The following EDNRB variants were observed in gnomAD, a reference collection of about 807,000 sequenced individuals.
The protein encoded by EDNRB is endothelin receptor type B.
In EDNRB, 18 loss-of-function variants were observed where a neutral mutation model predicts 46.4. That is an observed-to-expected ratio of 0.39 (90% CI 0.27 to 0.57). The LOEUF is 0.57. Ranked by LOEUF, EDNRB falls within the 20% of genes least tolerant of loss-of-function variation. The pLI, the probability that EDNRB is intolerant of heterozygous loss-of-function variation, is 0.61. For missense variants in EDNRB, 434 were observed against 537.5 expected (o/e 0.81, Z 1.90); for synonymous variants, 213 against 204.9 (o/e 1.04, Z -0.34).
In EDNRB at chr13:77,918,049, C is replaced by G; in HGVS notation, c.483+42G>C. ...TCATCTCCCCGTCTCCAACCAGGCC[C>G]CCTTCCTCAAGCCCACCATGATTTC... is the stretch of plus-strand genomic sequence containing the variant. On this transcript the variant is annotated intron_variant, in intron 1 of 6. Coordinates refer to ENST00000646607, the MANE Select transcript of EDNRB (RefSeq NM_001122659.3). This position sits in a 1 kb window ranked among gnomAD's most constrained non-coding sequence, Gnocchi z 4.5. 3 of 1,613,250 alleles carry G rather than the reference C, an allele frequency of 1.9e-6. No individual in the cohort carries two copies. The highest frequency in any genetic ancestry group is 1.7e-6 in the Non-Finnish European group (2 of 1,180,014).
chr13:77,974,696 C>G (rs1421536761), intron 1 of EDNRB, among the ~76,000 whole-genome samples: 1 of 152,002 alleles, frequency 6.6e-6, no homozygotes. Context: ...CTAAAACCAG[C>G]AGTAACCAAG....
intron 1 of EDNRB, among the ~76,000 whole-genome samples, chr13:77,952,685 T>C (rs1285108035): frequency 6.6e-6 from 1 of 152,186 alleles, no homozygotes; most frequent in Admixed American, 6.5e-5. Context: ...AGACCCTCTA[T>C]TAGATAATGT....
intron 1 of EDNRB, among the ~76,000 whole-genome samples, chr13:77,947,280 C>T (rs1176236618): frequency 2.0e-5 from 3 of 150,956 alleles, no homozygotes; most frequent in African/African-American, 7.3e-5. Flanking sequence ...ATTGGATGAC[C>T]ACCTCAACAT....
At position 77,898,376 on chromosome 13, in the gene EDNRB, A is replaced by T. The variant is rs569227237; in HGVS notation, c.1195-42T>A. On this transcript the variant is annotated intron_variant, in intron 6 of 6. Coordinates refer to ENST00000646607, the MANE Select transcript of EDNRB (RefSeq NM_001122659.3). ...AACTCATTATATGTTAACATCAGTCACCTTTCCCAACTCTTCCTCCTCTCC... is the reference window on the plus strand; with the variant it reads ...AACTCATTATATGTTAACATCAGTCTCCTTTCCCAACTCTTCCTCCTCTCC... 8 of 1,608,694 alleles carry T rather than the reference A, an allele frequency of 5.0e-6. No individual in the cohort carries two copies. In the East Asian group the frequency reaches 1.8e-4, roughly 36 times the overall value.
chr13:77,954,650 G>T (rs1313415680), intron 1 of EDNRB, among the ~76,000 whole-genome samples: 1 of 151,936 alleles, frequency 6.6e-6, no homozygotes, highest in African/African-American at 2.4e-5. Flanking sequence ...GGGACTACAT[G>T]CATGTGCCAC....
intron 1 of EDNRB, among the ~76,000 whole-genome samples, chr13:77,938,987 C>T (rs574946181): frequency 1.6e-4 from 25 of 152,272 alleles, no homozygotes; most frequent in Admixed American, 5.2e-4. Context: ...ATTTCATGCA[C>T]GTCAGTGTGA....
In EDNRB at chr13:77,898,186, G is replaced by GAAT; in HGVS notation, c.*11_*13dup. ...CAATATAAAGAAAATGAAATACAGT[G>GAAT]AATAGTTCTTCTTTCAAGATGAGCT... On this transcript the variant is annotated 3_prime_UTR_variant, in exon 7 of 7. Transcript: ENST00000646607. 6.2e-7 allele frequency: 1 copy of GAAT among 1,610,312 alleles called. No individual in the cohort carries two copies. Among genetic ancestry groups the GAAT allele is most frequent in the East Asian group, 2.2e-5 (1 of 44,674 alleles).
At chr13:77,963,223 C>A (rs888684360) in intron 1 of EDNRB, among the ~76,000 whole-genome samples, 5 of 152,156 alleles carry the variant, frequency 3.3e-5, no homozygotes, top group African/African-American at 7.2e-5. Context: ...CAATGCCATC[C>A]CCATCAACCT....
chr13:77,967,070 C>A (rs1393559101), intron 1 of EDNRB, among the ~76,000 whole-genome samples: 4 of 152,142 alleles, frequency 2.6e-5, no homozygotes, highest in Non-Finnish European at 5.9e-5. Flanking sequence ...GGAAATCAAT[C>A]ATCATGACAT....
chr13:77,974,201 C>A (rs550341350), intron 1 of EDNRB, among the ~76,000 whole-genome samples: 10 of 152,004 alleles, frequency 6.6e-5, no homozygotes, highest in Middle Eastern at 3.4e-3. Flanking sequence ...TAGCCCCTTG[C>A]TTTAATATTT....
In EDNRB at chr13:77,918,566, G is replaced by T; in HGVS notation, c.8C>A (p.Pro3Gln). The change falls in exon 1 of 7, where the codon CCG becomes CAG. Residue 3 changes from proline (P) to glutamine (Q), a missense_variant. By Grantham distance (76) the Pro-to-Gln change is moderately conservative (BLOSUM62 -1). Transcript: ENST00000646607. The surrounding 1 kb of genome is among the most constrained non-coding windows in gnomAD (Gnocchi z 4.5). MQ[P>Q]PPSLCGRALV... ...GGCGCGTCCGCACAGACTTGGAGGC[G>T]GCTGCATGCTGCTACCTGCTCCAGA... The T allele has an allele frequency of 6.3e-7, 1 of 1,596,350 alleles. No individual in the cohort carries two copies.
chr13:77,934,157 A>G (rs1390219856), intron 1 of EDNRB, among the ~76,000 whole-genome samples: 2 of 152,200 alleles, frequency 1.3e-5, no homozygotes, highest in East Asian at 3.9e-4. Flanking sequence ...GTAGTTGAGA[A>G]CGGTCAATAG....
At position 77,899,945 on chromosome 13, in the gene EDNRB, T is replaced by C; in HGVS notation, c.1108A>G (p.Ile370Val). ...TTCAGTGAAGCCATGTTGATACCAA[T>C]ATAGTCCAATACCAACAGAAAGCTG... ...LLSFLLVLDY[I>V]GINMASLNSC... Residue 370 changes from isoleucine to valine, a missense_variant, in exon 6 of 7, where the codon ATT (isoleucine) becomes GTT (valine). Ile to Val is a conservative substitution (Grantham distance 29, BLOSUM62 3). Coordinates refer to ENST00000646607, the MANE Select transcript of EDNRB (RefSeq NM_001122659.3). The C allele has an allele frequency of 6.2e-7, 1 of 1,611,740 alleles. No homozygotes were observed. Among genetic ancestry groups the C allele is most frequent in the Non-Finnish European group, 8.5e-7 (1 of 1,178,632 alleles).
rs1225236157 is a variant in EDNRB, at chr13:77,896,315, A to C, written c.*1885T>G. 1 of 913,254 alleles carries C rather than the reference A, an allele frequency of 1.1e-6. No individual in the cohort carries two copies. The highest frequency in any genetic ancestry group is 1.8e-5 in the African/African-American group (1 of 56,524). The allele number at this position is 913,254 out of a possible 1,614,324, so 56.6% of individuals were successfully genotyped here. A position where few individuals can be genotyped will look rare whatever the true frequency, so the allele number is the denominator to read the frequency against. The stretch of plus-strand genomic sequence containing the variant: ...TAAACTGTGAAAATATTAGTGATTC[A>C]AAATTAATTTAAAATTGAGAGTCTA... On this transcript the variant is annotated 3_prime_UTR_variant, in exon 7 of 7. Transcript: ENST00000646607.
chr13:77,975,346 C>T lies in EDNRB; in HGVS notation c.-52+1G>A, dbSNP rs1413692262. The T allele has an allele frequency of 6.6e-6, 1 of 152,338 alleles. No individual in the cohort carries two copies. Among genetic ancestry groups the T allele is most frequent in the Non-Finnish European group, 1.5e-5 (1 of 68,140 alleles). 9.4% of individuals were successfully genotyped at this position (152,338 alleles called of 1,614,324 possible). A position where few individuals can be genotyped will look rare whatever the true frequency, so the allele number is the denominator to read the frequency against. ...GGGCAAGTTCCAAAGACTAGTCTTA[C>T]CAAGTTTCAGATGTCCAGACTCCAA... On this transcript the variant is annotated splice_donor_variant, in intron 1 of 7. Coordinates refer to the EDNRB transcript ENST00000646948. LOFTEE classifies it low-confidence loss of function (5UTR_SPLICE).
intron 1 of EDNRB, among the ~76,000 whole-genome samples, chr13:77,942,694 A>C (rs1032145520): frequency 3.3e-5 from 5 of 152,162 alleles, no homozygotes; most frequent in Non-Finnish European, 7.4e-5. Context: ...ACATCTAGAT[A>C]AAACTACATA....
intron 1 of EDNRB, among the ~76,000 whole-genome samples, chr13:77,931,076 G>A (rs1197644171): frequency 1.3e-5 from 2 of 152,164 alleles, no homozygotes; most frequent in Non-Finnish European, 2.9e-5. Context: ...AATAGTTGCT[G>A]CCCAATGTCA....
At position 77,896,824 on chromosome 13, in the gene EDNRB, C is replaced by T. The variant is rs1231674564; in HGVS notation, c.*1376G>A. 6.9e-6 allele frequency: 8 copies of T among 1,162,270 alleles called. No homozygotes were observed. The highest frequency in any genetic ancestry group is 2.1e-6 in the Non-Finnish European group (2 of 942,956). 72.0% of individuals were successfully genotyped at this position (1,162,270 alleles called of 1,614,324 possible). On this transcript the variant is annotated 3_prime_UTR_variant, in exon 7 of 7. Coordinates refer to ENST00000646607, the MANE Select transcript of EDNRB (RefSeq NM_001122659.3). ...TACATACTTTCACACACATCTCATC[C>T]CAAGCTATCCTAAGGCACTTTGCTT...
intron 1 of EDNRB, among the ~76,000 whole-genome samples, chr13:77,972,457 C>T (rs1881762873): frequency 1.3e-5 from 2 of 152,160 alleles, no homozygotes; most frequent in African/African-American, 4.8e-5. Flanking sequence ...CCAGTCGGGG[C>T]AGTTCATCCT....
Sources: gnomAD v4.1 joint callset for allele counts (sites outside exome capture counted in the v4.1 genomes callset) on GRCh38, gnomAD v4.1.1 for gene constraint, Gnocchi (gnomAD v3.1) non-coding constraint, MANE v1.5 for transcripts, NCBI Gene and HGNC (gene_info 2026-07-23, HGNC 2026-07-21) for gene names.